The following SNPH variants were observed in gnomAD, a reference collection of about 807,000 sequenced individuals.
The protein encoded by SNPH is syntaphilin.
Under a neutral mutation model 36.8 loss-of-function variants are expected in SNPH, and 10 were observed. The observed-to-expected ratio is 0.27, with a 90% CI of 0.17 to 0.46. SNPH has a LOEUF of 0.46. Among genes scored for constraint, SNPH ranks in the 20% least tolerant of loss-of-function variants. The pLI is 1.00. For missense variants in SNPH, 622 were observed against 744.0 expected, an observed-to-expected ratio of 0.84 and a Z score of 1.91; for synonymous variants, 281 against 312.2, an observed-to-expected ratio of 0.90 and a Z score of 1.05.
At chr20:1,273,188 A>G (rs886312845) in intron 2 of SNPH, among the ~76,000 whole-genome samples, 4 of 152,160 alleles carry the variant, frequency 2.6e-5, no homozygotes, top group Non-Finnish European at 5.9e-5. Context: ...GCTCTGACAC[A>G]TGGTCCCTGC....
chr20:1,305,066 AC>A lies in SNPH; in HGVS notation c.630del (p.Phe211SerfsTer52). On this transcript the variant is annotated frameshift_variant, in exon 7 of 7. Transcript: ENST00000381867. LOFTEE classifies it high-confidence loss of function. ...LIDKDKGLQK[Y>X]FVDINIQNKK... The stretch of plus-strand genomic sequence containing the variant: ...GACAAGGACAAGGGGCTGCAGAAGT[AC>A]TTCGTGGACATCAACATCCAGAACA... The A allele has an allele frequency of 6.2e-7, 1 of 1,614,096 alleles. No individual in the cohort carries two copies. The highest frequency in any genetic ancestry group is 8.5e-7 in the Non-Finnish European group (1 of 1,180,044).
At chr20:1,268,603 G>C (rs938927664) in intron 2 of SNPH, among the ~76,000 whole-genome samples, 4 of 152,024 alleles carry the variant, frequency 2.6e-5, no homozygotes, top group African/African-American at 9.7e-5. Context: ...AAAAGAAGTT[G>C]TCATGTCCCC....
At chr20:1,301,213 T>C (rs969970402) in intron 6 of SNPH, among the ~76,000 whole-genome samples, 2 of 152,202 alleles carry the variant, frequency 1.3e-5, no homozygotes, top group Non-Finnish European at 2.9e-5. Context: ...AGGATGATGA[T>C]GAGAAGCCTT....
rs1009838458 is a variant in SNPH, at chr20:1,300,844, C to T, written c.440+133C>T. 8 of 911,010 alleles carry T rather than the reference C, an allele frequency of 8.8e-6. No homozygotes were observed. The African/African-American group carries it at 1.3e-4, about 15-fold the overall frequency. 56.4% of individuals were successfully genotyped at this position (911,010 alleles called of 1,614,324 possible). A position where few individuals can be genotyped will look rare whatever the true frequency, so the allele number is the denominator to read the frequency against. Reference sequence around the variant, plus strand: ...CAGCATCCGTCTGCTCTCTCCTTCCCAGCAAAGCCTCATTTGAGCCCACTT... The same window carrying T: ...CAGCATCCGTCTGCTCTCTCCTTCCTAGCAAAGCCTCATTTGAGCCCACTT... On this transcript the variant is annotated intron_variant, in intron 6 of 6. Coordinates refer to ENST00000381867, the MANE Select transcript of SNPH (RefSeq NM_001318234.2).
In SNPH at chr20:1,294,598, C is replaced by T. The variant is rs987892580; in HGVS notation, c.-492-353C>T. 5.9e-5 allele frequency among the ~76,000 whole-genome samples: 9 copies of T among 152,292 alleles called. No homozygotes were observed. The highest frequency in any genetic ancestry group is 2.1e-4 in the South Asian group (1 of 4,824). On this transcript the variant is annotated intron_variant, in intron 2 of 6. Coordinates refer to ENST00000381867, the MANE Select transcript of SNPH (RefSeq NM_001318234.2). This position sits in a 1 kb window ranked among gnomAD's most constrained non-coding sequence, Gnocchi z 4.4. ...TCGGCAGGTCCTGCAGCCCAGCACC[C>T]GACACCTCCAGGCAGACAATGCTGG... is the stretch of plus-strand genomic sequence containing the variant.
At position 1,306,460 on chromosome 20, in the gene SNPH, C is replaced by T. The variant is rs910270029; in HGVS notation, c.*406C>T. The T allele has an allele frequency of 1.8e-5, 3 of 166,148 alleles. No individual in the cohort carries two copies. Among genetic ancestry groups the T allele is most frequent in the Non-Finnish European group, 3.8e-5 (3 of 77,998 alleles). 10.3% of individuals were successfully genotyped at this position (166,148 alleles called of 1,614,324 possible). On this transcript the variant is annotated 3_prime_UTR_variant, in exon 7 of 7. Coordinates refer to ENST00000381867, the MANE Select transcript of SNPH (RefSeq NM_001318234.2). ...CTGCACCATCCTGTCCAGTGCCCTG[C>T]GCACTCCATGCCGTCTCTTCCAAGC...
chr20:1,269,883 C>T (rs776278382), intron 2 of SNPH, among the ~76,000 whole-genome samples: 1 of 152,168 alleles, frequency 6.6e-6, no homozygotes, highest in African/African-American at 2.4e-5. Flanking sequence ...TATAAATTTA[C>T]CCATTTTTAT....
intron 2 of SNPH, among the ~76,000 whole-genome samples, chr20:1,284,101 A>G (rs919954867): frequency 3.9e-5 from 6 of 152,246 alleles, no homozygotes; most frequent in African/African-American, 1.4e-4. Flanking sequence ...GAGCTCTTGC[A>G]TATAGTCATT....
intron 2 of SNPH, among the ~76,000 whole-genome samples, chr20:1,277,632 G>GTA (rs1175468281): frequency 6.7e-6 from 1 of 149,446 alleles, no homozygotes; most frequent in African/African-American, 2.5e-5. Context: ...GCCTGTGTGT[G>GTA]TGTGTCTGTG....
chr20:1,274,196 C>T (rs372377197), intron 2 of SNPH, among the ~76,000 whole-genome samples: 8 of 152,048 alleles, frequency 5.3e-5, no homozygotes, highest in East Asian at 1.9e-4. Context: ...CTTCCCGCAC[C>T]GTAGTGACAG....
chr20:1,297,429 G>A (rs2088452456), intron 5 of SNPH, among the ~76,000 whole-genome samples, 177 bp downstream of exon 5: 1 of 152,246 alleles, frequency 6.6e-6, no homozygotes, highest in Non-Finnish European at 1.5e-5. Flanking sequence ...CTGTCTGTAA[G>A]ATGGATATGA....
In SNPH at chr20:1,305,492, G is replaced by A. The variant is rs1409975682; in HGVS notation, c.1055G>A (p.Cys352Tyr). ...ATGGAGGCTGGTGTGCAGGCCAGCT[G>A]CATGCAGGAGCGTGCCATCCAGACA... is the stretch of plus-strand genomic sequence containing the variant. Reference protein sequence around the residue: ...CGMEAGVQASCMQERAIQTDF... With the variant: ...CGMEAGVQASYMQERAIQTDF... Residue 352 changes from cysteine (C) to tyrosine (Y), a missense_variant, in exon 7 of 7, where the codon TGC becomes TAC. Transcript: ENST00000381867. The A allele has an allele frequency of 6.2e-7, 1 of 1,613,228 alleles. No homozygotes were observed. Among genetic ancestry groups the A allele is most frequent in the Non-Finnish European group, 8.5e-7 (1 of 1,180,020 alleles).
chr20:1,296,154 C>A lies in SNPH; in HGVS notation c.-86C>A. The A allele has an allele frequency of 8.6e-7, 1 of 1,168,096 alleles. No individual in the cohort carries two copies. Among genetic ancestry groups the A allele is most frequent in the Non-Finnish European group, 1.2e-6 (1 of 853,712 alleles). 72.4% of individuals were successfully genotyped at this position (1,168,096 alleles called of 1,614,324 possible). On this transcript the variant is annotated 5_prime_UTR_variant, in exon 4 of 7. Coordinates refer to ENST00000381867, the MANE Select transcript of SNPH (RefSeq NM_001318234.2). ...TGGGTGGTGGGAACCTGTGCACCAG[C>A]CCTATTCAATTCACTGGTGGAGGCA...
At chr20:1,301,031 T>C (rs2088501324) in intron 6 of SNPH, among the ~76,000 whole-genome samples, 1 of 152,220 alleles carries the variant, frequency 6.6e-6, no homozygotes, top group Non-Finnish European at 1.5e-5. Context: ...CTTCTTTTCC[T>C]CTGGCTCCCA....
In SNPH at chr20:1,307,752, T is replaced by G. The variant is rs896774172; in HGVS notation, c.*1698T>G. On this transcript the variant is annotated 3_prime_UTR_variant, in exon 7 of 7. Coordinates refer to ENST00000381867, the MANE Select transcript of SNPH (RefSeq NM_001318234.2). ...CAGGAGCCCCCTCTGCCACACGCTT[T>G]GTGCCTCCAAAGCTCCCCCCGCCTT... 1 of 152,450 alleles carries G rather than the reference T, an allele frequency of 6.6e-6. No homozygotes were observed. The highest frequency in any genetic ancestry group is 2.4e-5 in the African/African-American group (1 of 41,474). The allele number at this position is 152,450 out of a possible 1,614,324, so 9.4% of individuals were successfully genotyped here. A position where few individuals can be genotyped will look rare whatever the true frequency, so the allele number is the denominator to read the frequency against.
intron 2 of SNPH, among the ~76,000 whole-genome samples, chr20:1,268,036 C>T (rs1246327944): frequency 1.3e-5 from 2 of 152,230 alleles, no homozygotes; most frequent in Non-Finnish European, 2.9e-5. Context: ...GAAGAGGTGA[C>T]TGCTTTTAGT....
rs539185919 is a variant in SNPH, at chr20:1,288,281, C to T, written c.-492-6670C>T. 1.6e-4 allele frequency among the ~76,000 whole-genome samples: 24 copies of T among 152,346 alleles called. No individual in the cohort carries two copies. In the South Asian group the frequency reaches 2.1e-3, roughly 13 times the overall value. On this transcript the variant is annotated intron_variant, in intron 2 of 6. Coordinates refer to ENST00000381867, the MANE Select transcript of SNPH (RefSeq NM_001318234.2). ...TCCTCTAATTTCCCAAGAACTACCC[C>T]CATCCCTCCATTCATTACCTTGGTT...
chr20:1,301,623 A>G (rs2088512499), intron 6 of SNPH, among the ~76,000 whole-genome samples: 1 of 152,076 alleles, frequency 6.6e-6, no homozygotes, highest in African/African-American at 2.4e-5. Context: ...TGCAACCATT[A>G]CCACTATCTA....
intron 2 of SNPH, among the ~76,000 whole-genome samples, chr20:1,286,089 T>TAAA (rs11475556): frequency 1.8e-4 from 18 of 100,514 alleles, no homozygotes; most frequent in African/African-American, 6.5e-4. Flanking sequence ...GACTCCATCT[T>TAAA]AAAAAAAAAA....
Sources: gnomAD v4.1 joint callset for allele counts (sites outside exome capture counted in the v4.1 genomes callset) on GRCh38, gnomAD v4.1.1 for gene constraint, Gnocchi (gnomAD v3.1) non-coding constraint, MANE v1.5 for transcripts, NCBI Gene and HGNC (gene_info 2026-07-23, HGNC 2026-07-21) for gene names.